The following DHX8 variants were observed in gnomAD, a reference collection of about 807,000 sequenced individuals.
The protein encoded by DHX8 is DEAH-box helicase 8.
Under a neutral mutation model 140.7 loss-of-function variants are expected in DHX8, and 67 were observed. The observed-to-expected ratio is 0.48, with a 90% confidence interval of 0.39 to 0.58. The LOEUF is 0.58. Among genes scored for constraint, DHX8 ranks in the 20% least tolerant of loss-of-function variants. The pLI, the probability that DHX8 is intolerant of heterozygous loss-of-function variation, is 0.00. For missense variants in DHX8, 887 were observed against 1,550.7 expected (o/e 0.57, Z 7.19); for synonymous variants, 533 against 553.2 (o/e 0.96, Z 0.51).
Position 43,507,510 on chromosome 17 carries a change from A to T in DHX8, c.1931A>T (p.Tyr644Phe). 1 of 1,613,834 alleles carries T rather than the reference A, an allele frequency of 6.2e-7. No homozygotes were observed. The highest frequency in any genetic ancestry group is 8.5e-7 in the Non-Finnish European group (1 of 1,179,930). The part of the protein sequence containing the change: ...FGCCLGQEVG[Y>F]TIRFEDCTSP... ...CCTTCTCTTCTGCTTTAGGTGGGCT[A>T]CACCATTCGATTTGAGGACTGCACT... Residue 644 changes from tyrosine (Y) to phenylalanine (F), a missense_variant, in exon 14 of 23, where the codon TAC becomes TTC. Physicochemically the swap from Tyr to Phe is conservative, Grantham distance 22 (BLOSUM62 3). Transcript: ENST00000262415.
chr17:43,493,136 A>T (rs1968637485), intron 6 of DHX8, 96 bp downstream of exon 6: 1 of 1,481,544 alleles, frequency 6.7e-7, no homozygotes, highest in African/African-American at 1.4e-5. Flanking sequence ...TTGATTAATG[A>T]CACTTTAGTC....
At chr17:43,513,656 G>T (rs909014208) in intron 17 of DHX8, among the ~76,000 whole-genome samples, 154 bp downstream of exon 17, 4 of 140,934 alleles carry the variant, frequency 2.8e-5, no homozygotes, top group Non-Finnish European at 6.2e-5. Flanking sequence ...TTTGTTATTT[G>T]TTTTTAATCT....
chr17:43,485,578 C>A (rs1427352178), intron 1 of DHX8, among the ~76,000 whole-genome samples: 1 of 151,494 alleles, frequency 6.6e-6, no homozygotes, highest in Admixed American at 6.6e-5. Context: ...AATATGTTTC[C>A]TTTATTCAGC....
downstream of DHX8, chr17:43,529,735 G>C (rs376090324): frequency 2.3e-5 from 37 of 1,588,474 alleles, no homozygotes; most frequent in East Asian, 2.2e-4. Flanking sequence ...CCAAGCAACC[G>C]CCTCCCACCC....
chr17:43,487,377 GTTA>G (rs1408500376), intron 1 of DHX8, among the ~76,000 whole-genome samples: 1 of 152,140 alleles, frequency 6.6e-6, no homozygotes, highest in East Asian at 1.9e-4. Flanking sequence ...GATCTTTCAT[GTTA>G]TTTATTCATT....
intron 8 of DHX8, 39 bp from the exon 9 acceptor site, chr17:43,496,142 T>G: frequency 6.6e-7 from 1 of 1,512,208 alleles, no homozygotes; most frequent in South Asian, 1.2e-5. Context: ...AGTTTTGATC[T>G]TAGCAGGTTA....
rs1970584817 is a variant in DHX8 at position 43,525,562 on chromosome 17, G to C, written c.*1715G>C. On this transcript the variant is annotated 3_prime_UTR_variant, in exon 23 of 23. Coordinates refer to ENST00000262415, the MANE Select transcript of DHX8 (RefSeq NM_004941.3). ...TGTGTTAACCTTGAAGGCCTTCTGG[G>C]GAGAGACAGTACAGGGACCTCAAAT... 1.0e-6 allele frequency: 1 copy of C among 985,334 alleles called. No individual in the cohort carries two copies. 61.0% of individuals were successfully genotyped at this position (985,334 alleles called of 1,614,324 possible). A position where few individuals can be genotyped will look rare whatever the true frequency, so the allele number is the denominator to read the frequency against.
rs747646072 is a variant in DHX8, at chr17:43,493,938, T to G, written c.1212+52T>G. 3.8e-6 allele frequency: 6 copies of G among 1,592,502 alleles called. No individual in the cohort carries two copies. In the South Asian group the frequency reaches 6.7e-5, roughly 18 times the overall value. On this transcript the variant is annotated intron_variant, in intron 8 of 22. Coordinates refer to ENST00000262415, the MANE Select transcript of DHX8 (RefSeq NM_004941.3). ...GATAGTCATTCAGCATGTAGCATGG[T>G]GCTTAGGGGTGTGCCCTGGAGCACG...
Position 43,522,141 on chromosome 17 carries a change from C to G in DHX8, c.3358C>G (p.Pro1120Ala), listed in dbSNP as rs368258592. ...GFFRNAAKKD[P>A]QEGYRTLIDQ... ...CTTCCGTAATGCTGCCAAGAAAGAC[C>G]CGCAGGAGGGTTACCGGACACTGAT... is the stretch of plus-strand genomic sequence containing the variant. Residue 1120 changes from proline (P) to alanine (A), a missense_variant, in exon 22 of 23, where the codon CCG (proline) becomes GCG (alanine). This residue lies in a region of DHX8 where 101 missense variants were observed against 168.2 expected (regional missense o/e 0.60). Transcript: ENST00000262415. 8.2e-5 allele frequency: 132 copies of G among 1,613,974 alleles called. No homozygotes were observed. The Middle Eastern group carries it at 9.9e-4, about 12-fold the overall frequency.
Position 43,537,923 on chromosome 17 carries a change from TC to T in DHX8, c.*20+1426del, listed in dbSNP as rs559758293. On this transcript the variant is annotated intron_variant, in intron 3 of 3. Transcript: ENST00000589898. ...GCGGGCAGATCACCAGGTCAGGAGATCAGGACCATCCTGGCTAACACAGTGA... is the reference window on the plus strand; with the variant it reads ...GCGGGCAGATCACCAGGTCAGGAGATAGGACCATCCTGGCTAACACAGTGA... Among the ~76,000 whole-genome samples, 3 of 151,894 alleles carry T rather than the reference TC, an allele frequency of 2.0e-5. 1 individual carries two copies. In the South Asian group the frequency reaches 6.2e-4, roughly 32 times the overall value.
chr17:43,509,783 C>T (rs1969712244), intron 16 of DHX8, among the ~76,000 whole-genome samples: 1 of 152,156 alleles, frequency 6.6e-6, no homozygotes, highest in Non-Finnish European at 1.5e-5. Context: ...ATTCCCCCGC[C>T]TCAGCCTCCC....
At chr17:43,526,474 G>C (rs1203752050), downstream of DHX8, 3 of 1,535,316 alleles carry the variant, frequency 2.0e-6, no homozygotes, top group African/African-American at 1.4e-5. Flanking sequence ...ACGTGATTTG[G>C]CTTTGACTGT....
At chr17:43,537,414 C>T (rs536966292) in intron 3 of DHX8, among the ~76,000 whole-genome samples, 1 of 151,800 alleles carries the variant, frequency 6.6e-6, no homozygotes, top group East Asian at 1.9e-4. Context: ...AGGGGGGTGG[C>T]TGGGCGCAGT....
chr17:43,526,766 G>T, downstream of DHX8: 5 of 1,191,872 alleles, frequency 4.2e-6, no homozygotes, highest in East Asian at 2.7e-5. Context: ...GCTTTAATGT[G>T]GAATTAAATT....
rs1028201463 is a variant in DHX8, at chr17:43,524,190, G to A, written c.*343G>A. On this transcript the variant is annotated 3_prime_UTR_variant, in exon 23 of 23. Coordinates refer to ENST00000262415, the MANE Select transcript of DHX8 (RefSeq NM_004941.3). The stretch of plus-strand genomic sequence containing the variant: ...AGCATCTTGTGCAGGGACATGGTGA[G>A]TGCCCTGATGCCCCAGCTAGCAGGA... 3 of 1,150,828 alleles carry A rather than the reference G, an allele frequency of 2.6e-6. No individual in the cohort carries two copies. The highest frequency in any genetic ancestry group is 1.6e-5 in the African/African-American group (1 of 62,508). 71.3% of individuals were successfully genotyped at this position (1,150,828 alleles called of 1,614,324 possible).
chr17:43,501,513 T>C (rs548806025), intron 11 of DHX8, among the ~76,000 whole-genome samples: 30 of 152,286 alleles, frequency 2.0e-4, no homozygotes, highest in African/African-American at 6.7e-4. Context: ...GACAGAGTTT[T>C]GCTCTTGTTG....
chr17:43,486,107 C>T (rs1968128314), intron 1 of DHX8, among the ~76,000 whole-genome samples: 1 of 151,158 alleles, frequency 6.6e-6, no homozygotes, highest in Admixed American at 6.6e-5. Flanking sequence ...AGGAGAATCG[C>T]TTGAACTCAG....
intron 20 of DHX8, 60 bp from the exon 21 acceptor site, chr17:43,521,309 C>A: frequency 7.0e-7 from 1 of 1,427,900 alleles, no homozygotes; most frequent in Non-Finnish European, 9.6e-7. Flanking sequence ...CCTAGAATTG[C>A]TCCATGTTCA....
exon 3 of DHX8, chr17:43,536,475 C>T: frequency 2.5e-6 from 4 of 1,614,218 alleles, no homozygotes; most frequent in Non-Finnish European, 3.4e-6. Context: ...TGTCTGGTAC[C>T]TGAGCTGCAG....
Sources: gnomAD v4.1 joint callset for allele counts (sites outside exome capture counted in the v4.1 genomes callset) on GRCh38, gnomAD v4.1.1 for gene constraint, gnomAD v4.1.1 regional missense constraint, MANE v1.5 for transcripts, NCBI Gene and HGNC (gene_info 2026-07-23, HGNC 2026-07-21) for gene names.